SMARCC1: variants seen among roughly 807,000 people sequenced by gnomAD.
The protein encoded by SMARCC1 is SWI/SNF complex subunit SMARCC1.
Under a neutral mutation model 147.4 loss-of-function variants are expected in SMARCC1, and 43 were observed. The observed-to-expected ratio is 0.29, with a 90% confidence interval of 0.23 to 0.38. The LOEUF (loss-of-function observed/expected upper bound fraction) is 0.38. Among genes scored for constraint, SMARCC1 ranks in the 10% least tolerant of loss-of-function variants. The probability of loss-of-function intolerance (pLI) is 1.00; values close to 1 mark genes in which losing one functional copy is unlikely to be tolerated. For missense variants in SMARCC1, 1,119 were observed against 1,381.1 expected (o/e 0.81, Z 3.01); for synonymous variants, 495 against 484.4 (o/e 1.02, Z -0.29).
chr3:47,775,793 C>T (rs1255918146), intron 1 of SMARCC1, among the ~76,000 whole-genome samples: 5 of 151,442 alleles, frequency 3.3e-5, no homozygotes, highest in Non-Finnish European at 7.4e-5. Context: ...GACTCACTCT[C>T]AAAAAATATA....
chr3:47,759,513 C>T (rs2034746909), intron 2 of SMARCC1, among the ~76,000 whole-genome samples: 2 of 145,114 alleles, frequency 1.4e-5, no homozygotes, highest in Admixed American at 7.1e-5. Context: ...CCCAGCTACT[C>T]GGGAGGCTGA....
chr3:47,729,516 GC>G (rs1286445764), intron 5 of SMARCC1, among the ~76,000 whole-genome samples: 1 of 152,114 alleles, frequency 6.6e-6, no homozygotes, highest in Non-Finnish European at 1.5e-5. Context: ...CTCCTGAGTA[GC>G]TGGGATTACA....
At chr3:47,656,026 T>C (rs952492799) in intron 21 of SMARCC1, among the ~76,000 whole-genome samples, 16 of 151,882 alleles carry the variant, frequency 1.1e-4, no homozygotes, top group African/African-American at 3.9e-4. Flanking sequence ...GCCTGGCCAA[T>C]ATGCTAAATT....
intron 21 of SMARCC1, among the ~76,000 whole-genome samples, chr3:47,654,428 C>A (rs550431076): frequency 2.6e-4 from 40 of 152,290 alleles, no homozygotes; most frequent in Admixed American, 1.2e-3. Context: ...ATTATAGATA[C>A]TCTCAAATTG....
intron 14 of SMARCC1, among the ~76,000 whole-genome samples, chr3:47,684,197 G>A (rs1397037591): frequency 7.0e-6 from 1 of 142,408 alleles, no homozygotes. Flanking sequence ...CCGAGATCCC[G>A]CCACTGCAGT....
chr3:47,642,979 G>C (rs1005864866), intron 21 of SMARCC1, among the ~76,000 whole-genome samples: 1 of 152,194 alleles, frequency 6.6e-6, no homozygotes, highest in African/African-American at 2.4e-5. Flanking sequence ...CTGGGAAGTT[G>C]AGGCTGCAGA....
intron 17 of SMARCC1, among the ~76,000 whole-genome samples, chr3:47,676,034 T>C (rs1442123450): frequency 6.6e-6 from 1 of 152,012 alleles, no homozygotes; most frequent in Non-Finnish European, 1.5e-5. Flanking sequence ...TTCTACACTA[T>C]ACTTCTAACA....
chr3:47,746,176 T>G, intron 2 of SMARCC1, 183 bp from the exon 3 acceptor site: 1 of 461,600 alleles, frequency 2.2e-6, no homozygotes, highest in Non-Finnish European at 3.8e-6. Flanking sequence ...AGGCTGGGCA[T>G]GGTGGCTCAT....
chr3:47,635,858 T>C (rs1299252702), intron 23 of SMARCC1, among the ~76,000 whole-genome samples, 164 bp downstream of exon 23: 1 of 152,238 alleles, frequency 6.6e-6, no homozygotes, highest in African/African-American at 2.4e-5. Context: ...GCCACCAGCA[T>C]TAGTATTAGC....
chr3:47,661,383 G>A lies in SMARCC1; in HGVS notation c.2231C>T (p.Ala744Val), dbSNP rs764145318. 2 of 1,613,632 alleles carry A rather than the reference G, an allele frequency of 1.2e-6. No individual in the cohort carries two copies. Among genetic ancestry groups the A allele is most frequent in the South Asian group, 1.1e-5 (1 of 91,040 alleles). ...ATCCACTTTCCCAGAGGCTCGTGCT[G>A]CTTCTTGTACTTTCTTGACATGAGC... ...VEAHVKKVQEAARASGKVDPT... is the reference protein window; with the variant it reads ...VEAHVKKVQEVARASGKVDPT... The change falls in exon 21 of 28, where the codon GCA becomes GTA. Residue 744 changes from alanine (A) to valine (V), a missense_variant. Physicochemically the swap from Ala to Val is moderately conservative, Grantham distance 64. This residue lies in a region of SMARCC1 where 157 missense variants were observed against 158.6 expected (regional missense o/e 0.99). Transcript: ENST00000254480.
chr3:47,615,964 G>A (rs569533726), intron 25 of SMARCC1, among the ~76,000 whole-genome samples: 7 of 152,248 alleles, frequency 4.6e-5, no homozygotes, highest in East Asian at 1.9e-4. Context: ...GATTACAGGC[G>A]TGAGCCACAG....
intron 9 of SMARCC1, among the ~76,000 whole-genome samples, chr3:47,708,092 T>C (rs866170969): frequency 5.4e-3 from 394 of 72,854 alleles, no homozygotes; most frequent in South Asian, 0.042. Flanking sequence ...TCTTTTTTTT[T>C]TTTTTTTTTT....
At chr3:47,729,782 G>A (rs904109041) in intron 5 of SMARCC1, among the ~76,000 whole-genome samples, 2 of 152,170 alleles carry the variant, frequency 1.3e-5, no homozygotes, top group African/African-American at 4.8e-5. Context: ...CCATAAACTA[G>A]GACTATGTGC....
chr3:47,680,348 G>C, intron 15 of SMARCC1, 89 bp downstream of exon 15: 1 of 853,826 alleles, frequency 1.2e-6, no homozygotes, highest in Non-Finnish European at 2.0e-6. Context: ...AAACTTCCAA[G>C]AATCAGCAAT....
chr3:47,665,553 G>A (rs1207227616), intron 19 of SMARCC1, among the ~76,000 whole-genome samples: 1 of 152,218 alleles, frequency 6.6e-6, no homozygotes, highest in African/African-American at 2.4e-5. Flanking sequence ...AATAAAGGTG[G>A]AGTTGGGGAA....
In SMARCC1 at chr3:47,673,395, A is replaced by AAGGC. The variant is rs1553682242; in HGVS notation, c.1839+2079_1839+2080insGCCT. ...AGCGAGACTCTGTCTCAAAAAAAAA[A>AAGGC]GGGTGGGGGGGGGGCAGGCCAGTGG... On this transcript the variant is annotated intron_variant, in intron 18 of 27. Coordinates refer to ENST00000254480, the MANE Select transcript of SMARCC1 (RefSeq NM_003074.4). 1.6e-3 allele frequency among the ~76,000 whole-genome samples: 25 copies of AAGGC among 15,888 alleles called. 5 individuals are homozygous for AAGGC. In the South Asian group the frequency reaches 0.11, roughly 70 times the overall value. 10.4% of individuals were successfully genotyped at this position (15,888 alleles called of 152,430 possible).
chr3:47,781,176 T>C (rs954429395), intron 1 of SMARCC1, among the ~76,000 whole-genome samples: 4 of 152,220 alleles, frequency 2.6e-5, no homozygotes, highest in African/African-American at 9.6e-5. Flanking sequence ...ATCCCAGTCG[T>C]TTAGCAATTC....
chr3:47,714,201 T>C (rs371919468), intron 8 of SMARCC1, among the ~76,000 whole-genome samples: 101 of 152,272 alleles, frequency 6.6e-4, no homozygotes, highest in African/African-American at 2.3e-3. Flanking sequence ...CCGTCTCTAC[T>C]AAAAATACAA....
chr3:47,677,010 C>T (rs192243121), intron 16 of SMARCC1, among the ~76,000 whole-genome samples: 1 of 152,314 alleles, frequency 6.6e-6, no homozygotes, highest in Non-Finnish European at 1.5e-5. Context: ...AAAGCCTAAT[C>T]ATTTCAATCA....
Sources: allele counts gnomAD v4.1 joint callset (sites outside exome capture counted in the v4.1 genomes callset), GRCh38; gene constraint gnomAD v4.1.1; regional missense constraint gnomAD v4.1.1; transcripts MANE v1.5; gene names NCBI Gene and HGNC (gene_info 2026-07-23, HGNC 2026-07-21).